Variants in SEPTIN4 observed in about 807,000 individuals in gnomAD.
SEPTIN4 encodes the protein septin-4.
In SEPTIN4, 52 loss-of-function variants were observed where a neutral mutation model predicts 107.1. The observed-to-expected ratio is 0.49, with a 90% CI of 0.39 to 0.61. The LOEUF (loss-of-function observed/expected upper bound fraction) is 0.61. Ranked by LOEUF, SEPTIN4 falls within the 20% of genes least tolerant of loss-of-function variation. The pLI, the probability that SEPTIN4 is intolerant of heterozygous loss-of-function variation, is 0.00. For synonymous variants in SEPTIN4, 417 were observed against 467.0 expected (o/e 0.89, Z 1.38); for missense variants, 1,048 against 1,243.5 (o/e 0.84, Z 2.36).
In SEPTIN4 at chr17:58,521,038, G is replaced by C. The variant is rs1442863698; in HGVS notation, c.2791C>G (p.Gln931Glu). 2.5e-6 allele frequency: 4 copies of C among 1,614,166 alleles called. No homozygotes were observed. The South Asian group carries it at 3.3e-5, about 13-fold the overall frequency. Residue 931 changes from glutamine (Q) to glutamate (E), a missense_variant, in exon 12 of 14, where the codon CAG becomes GAG. By Grantham distance (29) the Gln-to-Glu change is conservative (BLOSUM62 2). This residue lies in a region of SEPTIN4 where 261 missense variants were observed against 371.7 expected (regional missense o/e 0.70). Transcript: ENST00000672673. This position sits in a 1 kb window ranked among gnomAD's most constrained non-coding sequence, Gnocchi z 6.4. The part of the protein sequence containing the change: ...HYENYRAQCI[Q>E]SMTRLVVKER... ...TTCACCACCAGGCGGGTCATGCTCT[G>C]GATGCACTGTGCCCGGTAGTTCTCA...
chr17:58,539,243 G>A (rs2043813679), intron 3 of SEPTIN4: 2 of 1,397,898 alleles, frequency 1.4e-6, no homozygotes, highest in Non-Finnish European at 1.9e-6. Context: ...AGCTATTTTA[G>A]GAAGGAGCCA....
Position 58,521,075 on chromosome 17 carries a change from C to G in SEPTIN4, c.2754G>C (p.Arg918=), listed in dbSNP as rs750613239. 6.2e-7 allele frequency: 1 copy of G among 1,614,164 alleles called. No homozygotes were observed. Among genetic ancestry groups the G allele is most frequent in the Non-Finnish European group, 8.5e-7 (1 of 1,180,024 alleles). ...CCCGGTAGTTCTCATAATGTGTCTC[C>G]CGTGTCACATCCTTCAGGTCCTGCA... ...THMQDLKDVT[R]ETHYENYRAQ... Residue 918 remains arginine, a synonymous_variant, in exon 12 of 14, where the codon CGG becomes CGC. Coordinates refer to ENST00000672673, the MANE Select transcript of SEPTIN4 (RefSeq NM_001368771.2). This position sits in a 1 kb window ranked among gnomAD's most constrained non-coding sequence, Gnocchi z 6.4.
chr17:58,536,694 G>T (rs1168806645), intron 3 of SEPTIN4, among the ~76,000 whole-genome samples: 1 of 152,196 alleles, frequency 6.6e-6, no homozygotes, highest in Non-Finnish European at 1.5e-5. Flanking sequence ...CCCTCCTCCA[G>T]GCTTCATTCA....
In SEPTIN4 at chr17:58,543,471, GCTGT is replaced by G. The variant is rs762932551; in HGVS notation, c.712_715del (p.Thr238ProfsTer7). Reference sequence around the variant, plus strand: ...TTCTTCTACAGGGACCCTTCTCTGGGCTGTCTGATAGTCTGCAGAGACACAGCTG... The same window carrying G: ...TTCTTCTACAGGGACCCTTCTCTGGGCTGATAGTCTGCAGAGACACAGCTG... On this transcript the variant is annotated frameshift_variant, in exon 1 of 14. Transcript: ENST00000672673. LOFTEE classifies it high-confidence loss of function. The G allele has an allele frequency of 3.7e-6, 6 of 1,614,200 alleles. No individual in the cohort carries two copies. Among genetic ancestry groups the G allele is most frequent in the East Asian group, 2.2e-5 (1 of 44,884 alleles).
In SEPTIN4 at chr17:58,542,992, T is replaced by C; in HGVS notation, c.1195A>G (p.Lys399Glu). Residue 399 changes from lysine to glutamate, a missense_variant, in exon 1 of 14, where the codon AAG (lysine) becomes GAG (glutamate). This residue lies in a region of SEPTIN4 where 787 missense variants were observed against 871.8 expected (regional missense o/e 0.90). Coordinates refer to ENST00000672673, the MANE Select transcript of SEPTIN4 (RefSeq NM_001368771.2). The stretch of plus-strand genomic sequence containing the variant: ...TCCAGTTCTGCATGGATGGAGGGCT[T>C]TTGCGAGAGTTCTGGATACCTGGGT... ...PTPRYPELSQKPSIHAELELT... is the reference protein window; with the variant it reads ...PTPRYPELSQEPSIHAELELT... 1 of 1,612,678 alleles carries C rather than the reference T, an allele frequency of 6.2e-7. No homozygotes were observed. The highest frequency in any genetic ancestry group is 1.1e-5 in the South Asian group (1 of 90,882).
At chr17:58,532,893 G>T (rs1486585191) in intron 3 of SEPTIN4, among the ~76,000 whole-genome samples, 1 of 152,194 alleles carries the variant, frequency 6.6e-6, no homozygotes, top group Non-Finnish European at 1.5e-5. Flanking sequence ...CTTGGTGAGT[G>T]GGGTGTTGGT....
Position 58,521,844 on chromosome 17 carries a change from T to C in SEPTIN4, c.2361A>G (p.Pro787=), listed in dbSNP as rs765726362. The change falls in exon 9 of 14, where the codon CCA becomes CCG. Residue 787 remains proline (P), a synonymous_variant. Transcript: ENST00000672673. This position sits in a 1 kb window ranked among gnomAD's most constrained non-coding sequence, Gnocchi z 6.4. ...GGGCCTTCATGAATTCAACATCCAA[T>C]GGCCGGAGCCTGGGGAACAGGAACC... is the stretch of plus-strand genomic sequence containing the variant. ...FISPFGHGLR[P]LDVEFMKALH... is the part of the protein sequence containing the mutation. 4 of 1,614,212 alleles carry C rather than the reference T, an allele frequency of 2.5e-6. No individual in the cohort carries two copies. In the Admixed American group the frequency reaches 5.0e-5, roughly 20 times the overall value.
chr17:58,539,141 C>T (rs1258223713), intron 3 of SEPTIN4: 1 of 1,534,382 alleles, frequency 6.5e-7, no homozygotes, highest in Non-Finnish European at 8.7e-7. Context: ...ACCAGCAGCC[C>T]AGCTGCTTGG....
chr17:58,525,063 C>T lies in SEPTIN4; in HGVS notation c.2216+15G>A, dbSNP rs374637880. 7.4e-6 allele frequency: 12 copies of T among 1,613,958 alleles called. No individual in the cohort carries two copies. The highest frequency in any genetic ancestry group is 1.3e-5 in the African/African-American group (1 of 74,928). On this transcript the variant is annotated intron_variant, in intron 7 of 13. Transcript: ENST00000672673. Reference sequence around the variant, plus strand: ...TGGCTCAGGGGCAGCTGGGATTGTGCTTACTCAGACATACCACTCTGTGTT... The same window carrying T: ...TGGCTCAGGGGCAGCTGGGATTGTGTTTACTCAGACATACCACTCTGTGTT...
chr17:58,522,808 C>T (rs1251507155), intron 7 of SEPTIN4, among the ~76,000 whole-genome samples: 1 of 152,154 alleles, frequency 6.6e-6, no homozygotes, highest in Non-Finnish European at 1.5e-5. Context: ...TCCTCTACCT[C>T]TCCAAACCCA....
chr17:58,539,182 G>T (rs1313984467), intron 3 of SEPTIN4: 2 of 1,534,252 alleles, frequency 1.3e-6, no homozygotes, highest in African/African-American at 2.7e-5. Context: ...CTGGGGAGCA[G>T]CTCTGCTGCT....
rs746829859 is a variant in SEPTIN4 at position 58,543,957 on chromosome 17, G to C, written c.230C>G (p.Pro77Arg). 1 of 1,614,004 alleles carries C rather than the reference G, an allele frequency of 6.2e-7. No individual in the cohort carries two copies. The highest frequency in any genetic ancestry group is 1.7e-5 in the Admixed American group (1 of 60,008). The stretch of plus-strand genomic sequence containing the variant: ...AGGAGTGGGTACTGCATAGTGTCCA[G>C]GTCCTGACTGGAGGGAGACAGATCG... ...YPRSVSLQSG[P>R]GHYAVPTPRG... Residue 77 changes from proline (P) to arginine (R), a missense_variant, in exon 1 of 14, where the codon CCT becomes CGT. This residue lies in a region of SEPTIN4 where 787 missense variants were observed against 871.8 expected (regional missense o/e 0.90). Transcript: ENST00000672673.
intron 3 of SEPTIN4, among the ~76,000 whole-genome samples, chr17:58,537,417 A>G (rs1357696765): frequency 1.3e-5 from 2 of 152,208 alleles, no homozygotes; most frequent in Non-Finnish European, 2.9e-5. Context: ...AGAGGCCACC[A>G]GCCTTCCATC....
chr17:58,522,576 C>A (rs1461200718), intron 7 of SEPTIN4, among the ~76,000 whole-genome samples: 1 of 149,588 alleles, frequency 6.7e-6, no homozygotes, highest in African/African-American at 2.5e-5. Flanking sequence ...GCAGGAGAAT[C>A]ACTTGAACCC....
intron 3 of SEPTIN4, chr17:58,529,483 CCTGCCTG>C: frequency 7.8e-7 from 1 of 1,278,188 alleles, no homozygotes; most frequent in Non-Finnish European, 1.0e-6. Context: ...TCCCATGACG[CCTGCCTG>C]CTGCCTACCC....
Position 58,543,120 on chromosome 17 carries a change from G to C in SEPTIN4, c.1067C>G (p.Ser356Cys). ...CATGGATGACTTGTGGGAGCCCTCA[G>C]ACACTGATGGAACTGTCACATGGTG... ...PTHHVTVPSV[S>C]EGSHKSSMFV... The change falls in exon 1 of 14, where the codon TCT becomes TGT. Residue 356 changes from serine (S) to cysteine (C), a missense_variant. Physicochemically the swap from Ser to Cys is moderately radical, Grantham distance 112 (BLOSUM62 -1). Transcript: ENST00000672673. 1 of 1,612,462 alleles carries C rather than the reference G, an allele frequency of 6.2e-7. No individual in the cohort carries two copies. The highest frequency in any genetic ancestry group is 8.5e-7 in the Non-Finnish European group (1 of 1,178,954).
chr17:58,542,008 G>T (rs1423646205), intron 1 of SEPTIN4, 42 bp from the exon 2 acceptor site: 1 of 1,599,740 alleles, frequency 6.3e-7, no homozygotes, highest in Non-Finnish European at 8.5e-7. Context: ...TCTCTCTGTG[G>T]GATGCACATC....
chr17:58,520,795 G>A lies in SEPTIN4; in HGVS notation c.2879C>T (p.Pro960Leu). ...SGTDFPIPAV[P>L]PGTDPETEKL... ...CTCAGTTTCTGGATCTGTCCCTGGT[G>A]GGACAGCAGGGATGGGGAAGTCGGT... The change falls in exon 13 of 14, where the codon CCA becomes CTA. Residue 960 changes from proline to leucine, a missense_variant. Pro to Leu is a moderately conservative substitution (Grantham distance 98, BLOSUM62 -3). Transcript: ENST00000672673. 1.2e-6 allele frequency: 2 copies of A among 1,614,156 alleles called. No individual in the cohort carries two copies. Among genetic ancestry groups the A allele is most frequent in the Admixed American group, 3.3e-5 (2 of 60,026 alleles).
chr17:58,529,257 C>T (rs2043249019), intron 3 of SEPTIN4: 1 of 1,611,854 alleles, frequency 6.2e-7, no homozygotes, highest in Non-Finnish European at 8.5e-7. Context: ...CAGAAACAGC[C>T]TTGTTTTGAT....
Sources: gnomAD v4.1 joint callset for allele counts (sites outside exome capture counted in the v4.1 genomes callset) on GRCh38, gnomAD v4.1.1 for gene constraint, gnomAD v4.1.1 regional missense constraint, Gnocchi (gnomAD v3.1) non-coding constraint, MANE v1.5 for transcripts, NCBI Gene and HGNC (gene_info 2026-07-23, HGNC 2026-07-21) for gene names.